Variants in OSBPL3 observed in about 807,000 individuals in gnomAD.
The protein encoded by OSBPL3 is oxysterol binding protein like 3, also known as oxysterol-binding protein-related protein 3.
Under a neutral mutation model 120.1 loss-of-function variants are expected in OSBPL3, and 65 were observed. The ratio of observed to expected loss-of-function variants is 0.54; its 90% CI spans 0.44 to 0.67. The LOEUF (loss-of-function observed/expected upper bound fraction) is 0.67. OSBPL3 is among the 30% of genes least tolerant of loss of function. The probability of loss-of-function intolerance (pLI) is 0.00; values close to 1 mark genes in which losing one functional copy is unlikely to be tolerated. For missense variants in OSBPL3, 1,004 were observed against 1,082.1 expected (o/e 0.93, Z 1.01); for synonymous variants, 416 against 402.6 (o/e 1.03, Z -0.40).
chr7:24,844,048 A>G (rs1257214454), intron 12 of OSBPL3, among the ~76,000 whole-genome samples: 1 of 152,238 alleles, frequency 6.6e-6, no homozygotes, highest in Non-Finnish European at 1.5e-5. Flanking sequence ...AACACTGAAA[A>G]TAATATTCCT....
chr7:24,897,356 C>T (rs1348853308), intron 1 of OSBPL3, among the ~76,000 whole-genome samples: 5 of 134,842 alleles, frequency 3.7e-5, no homozygotes, highest in East Asian at 4.5e-4. Context: ...GACGGAGTCT[C>T]GCTCTGTCGC....
rs1798887457 is a variant in OSBPL3 at position 24,849,573 on chromosome 7, C to T, written c.1159-397G>A. 6.6e-6 allele frequency among the ~76,000 whole-genome samples: 1 copy of T among 152,180 alleles called. No individual in the cohort carries two copies. The highest frequency in any genetic ancestry group is 2.1e-4 in the South Asian group (1 of 4,830). On this transcript the variant is annotated intron_variant, in intron 11 of 22. Transcript: ENST00000313367. The surrounding 1 kb of genome is among the most constrained non-coding windows in gnomAD (Gnocchi z 5.4). ...CCTAAGGAATCCAGGCTTCTATCTG[C>T]TTTGAAGAATATGCTGGCCCCATCC...
Position 24,808,857 on chromosome 7 carries a change from T to C in OSBPL3, c.2317+950A>G, listed in dbSNP as rs1793401567. Among the ~76,000 whole-genome samples, 1 of 152,194 alleles carries C rather than the reference T, an allele frequency of 6.6e-6. No individual in the cohort carries two copies. Among genetic ancestry groups the C allele is most frequent in the African/African-American group, 2.4e-5 (1 of 41,442 alleles). ...TTTGCTGCGGGATCTTAGGAAATGT[T>C]CCTGAGAAAAGAGAGGCACGAGAGA... On this transcript the variant is annotated intron_variant, in intron 20 of 22. Coordinates refer to ENST00000313367, the MANE Select transcript of OSBPL3 (RefSeq NM_015550.4). The surrounding 1 kb of genome is among the most constrained non-coding windows in gnomAD (Gnocchi z 4.6).
In OSBPL3 at chr7:24,799,298, A is replaced by C. The variant is rs1314308861; in HGVS notation, c.*885T>G. ...TGGAATAAACTGTATGTTTTATATT[A>C]AACTGGGACATTCCATACTCAACAG... On this transcript the variant is annotated 3_prime_UTR_variant, in exon 23 of 23. Transcript: ENST00000313367. This position sits in a 1 kb window ranked among gnomAD's most constrained non-coding sequence, Gnocchi z 5.3. 1.3e-5 allele frequency: 2 copies of C among 152,572 alleles called. No individual in the cohort carries two copies. The highest frequency in any genetic ancestry group is 4.8e-5 in the African/African-American group (2 of 41,460). The allele number at this position is 152,572 out of a possible 1,614,324, so 9.5% of individuals were successfully genotyped here. A position where few individuals can be genotyped will look rare whatever the true frequency, so the allele number is the denominator to read the frequency against.
chr7:24,880,128 A>C (rs1428998564), intron 2 of OSBPL3, among the ~76,000 whole-genome samples: 2 of 152,192 alleles, frequency 1.3e-5, no homozygotes, highest in Non-Finnish European at 2.9e-5. Flanking sequence ...TTATAGTTAT[A>C]AAAGTGACAA....
upstream of OSBPL3, among the ~76,000 whole-genome samples, chr7:24,981,127 G>A (rs1391344179): frequency 1.3e-5 from 2 of 152,178 alleles, no homozygotes; most frequent in Admixed American, 6.5e-5. The surrounding 1 kb of genome is among the most constrained non-coding windows in gnomAD (Gnocchi z 7.3). Flanking sequence ...TTTGTGGAAA[G>A]ACAGACAATA....
At chr7:24,884,988 A>G (rs1804278935) in intron 2 of OSBPL3, among the ~76,000 whole-genome samples, 1 of 152,154 alleles carries the variant, frequency 6.6e-6, no homozygotes, top group African/African-American at 2.4e-5. Context: ...TATGAAATTG[A>G]AAGAAATAAA....
intron 1 of OSBPL3, among the ~76,000 whole-genome samples, chr7:24,970,768 C>T (rs1288536198): frequency 6.6e-6 from 1 of 152,154 alleles, no homozygotes; most frequent in Non-Finnish European, 1.5e-5. Context: ...GGGCTTAAAA[C>T]GTTAGTGTGC....
At chr7:24,963,435 A>G (rs1477666242) in intron 1 of OSBPL3, among the ~76,000 whole-genome samples, 1 of 152,194 alleles carries the variant, frequency 6.6e-6, no homozygotes, top group Non-Finnish European at 1.5e-5. Flanking sequence ...CACCATTCCA[A>G]CCAGGCAACA....
rs938102341 is a variant in OSBPL3, at chr7:24,863,538, G to A, written c.735C>T (p.Val245=). 9.3e-6 allele frequency: 15 copies of A among 1,614,042 alleles called. 1 individual carries two copies. The highest frequency in any genetic ancestry group is 2.2e-5 in the South Asian group (2 of 91,086). Residue 245 remains valine, a synonymous_variant, in exon 8 of 23, where the codon GTC becomes GTT. Transcript: ENST00000313367. The surrounding 1 kb of genome is among the most constrained non-coding windows in gnomAD (Gnocchi z 5.8). ...EMSQLLQSMD[V]LHRTYSAPAI... The stretch of plus-strand genomic sequence containing the variant: ...CTGGTGCCGAGTATGTCCGATGCAG[G>A]ACGTCCATGCTTTGCAGGAGCTGGC...
intron 2 of OSBPL3, among the ~76,000 whole-genome samples, chr7:24,885,198 G>A (rs190160542): frequency 6.7e-6 from 1 of 150,090 alleles, no homozygotes; most frequent in East Asian, 2.0e-4. Flanking sequence ...CTTCAGCCTG[G>A]GCAACAGAGT....
intron 1 of OSBPL3, among the ~76,000 whole-genome samples, chr7:24,895,233 A>G (rs1805962187): frequency 6.6e-6 from 1 of 152,218 alleles, no homozygotes; most frequent in Non-Finnish European, 1.5e-5. Context: ...GTGACAGCCC[A>G]TGTATACGCT....
At position 24,830,685 on chromosome 7, in the gene OSBPL3, G is replaced by T; in HGVS notation, c.1884+83C>A. 1 of 1,294,694 alleles carries T rather than the reference G, an allele frequency of 7.7e-7. No homozygotes were observed. The highest frequency in any genetic ancestry group is 1.1e-6 in the Non-Finnish European group (1 of 931,996). 80.2% of individuals were successfully genotyped at this position (1,294,694 alleles called of 1,614,324 possible). ...TCGGCTGCTTTGAAGCCAGTGAAAG[G>T]TGGAAGATAAATATTTCAGAAGCAC... On this transcript the variant is annotated intron_variant, in intron 16 of 22. Transcript: ENST00000313367. The surrounding 1 kb of genome is among the most constrained non-coding windows in gnomAD (Gnocchi z 4.4).
intron 1 of OSBPL3, among the ~76,000 whole-genome samples, chr7:24,893,199 A>T (rs1205988107): frequency 6.6e-6 from 1 of 152,260 alleles, no homozygotes; most frequent in African/African-American, 2.4e-5. Context: ...TGTTATTCAC[A>T]ATAGTCAAAG....
At chr7:24,979,624 G>A (rs1033667940) in intron 1 of OSBPL3, among the ~76,000 whole-genome samples, 6 of 152,042 alleles carry the variant, frequency 3.9e-5, no homozygotes, top group African/African-American at 7.2e-5. Flanking sequence ...TCCTCCTGGC[G>A]GTCAATCCTC....
intron 10 of OSBPL3, among the ~76,000 whole-genome samples, chr7:24,860,528 T>C (rs1171627627): frequency 6.6e-6 from 1 of 152,246 alleles, no homozygotes; most frequent in Non-Finnish European, 1.5e-5. Context: ...TGCCACCATG[T>C]AAGACATGCT....
In OSBPL3 at chr7:24,862,076, C is replaced by T. The variant is rs185286360; in HGVS notation, c.871-307G>A. On this transcript the variant is annotated intron_variant, in intron 9 of 22. Transcript: ENST00000313367. This position sits in a 1 kb window ranked among gnomAD's most constrained non-coding sequence, Gnocchi z 4.4. ...TAATTTTTTGTATTTTTAGTAGAGA[C>T]GGGGTTTCACCGTGTTAGCCAGGAT... 0.012 allele frequency among the ~76,000 whole-genome samples: 1,870 copies of T among 152,000 alleles called. 49 individuals carry two copies. Among genetic ancestry groups the T allele is most frequent in the African/African-American group, 0.043 (1,767 of 41,448 alleles).
In OSBPL3 at chr7:24,852,638, TAGAGA is replaced by T. The variant is rs2128228947; in HGVS notation, c.1028-9_1028-5del. On this transcript the variant is annotated splice_region_variant and splice_polypyrimidine_tract_variant and intron_variant, in intron 10 of 22. Coordinates refer to ENST00000313367, the MANE Select transcript of OSBPL3 (RefSeq NM_015550.4). This position sits in a 1 kb window ranked among gnomAD's most constrained non-coding sequence, Gnocchi z 4.1. The stretch of plus-strand genomic sequence containing the variant: ...GCTGACCTTAAAGTGAAGTAAACTA[TAGAGA>T]TAGAATCATTATAAAAAGGAATAAG... The T allele has an allele frequency of 6.4e-7, 1 of 1,561,356 alleles. No homozygotes were observed. The highest frequency in any genetic ancestry group is 1.2e-5 in the South Asian group (1 of 83,548).
chr7:24,929,251 C>T (rs1472901800), intron 1 of OSBPL3, among the ~76,000 whole-genome samples: 1 of 152,164 alleles, frequency 6.6e-6, no homozygotes, highest in South Asian at 2.1e-4. Flanking sequence ...CAGTGTGTAA[C>T]TTTTTCCTCT....
Sources: gnomAD v4.1 joint callset for allele counts (sites outside exome capture counted in the v4.1 genomes callset) on GRCh38, gnomAD v4.1.1 for gene constraint, Gnocchi (gnomAD v3.1) non-coding constraint, MANE v1.5 for transcripts, NCBI Gene and HGNC (gene_info 2026-07-23, HGNC 2026-07-21) for gene names.